Variants in CACNA2D3 observed in about 807,000 individuals in gnomAD.
CACNA2D3 encodes voltage-dependent calcium channel subunit alpha-2/delta-3.
Under a neutral mutation model 160.6 loss-of-function variants are expected in CACNA2D3, and 60 were observed. That is an observed-to-expected ratio of 0.37 (90% CI 0.30 to 0.46). CACNA2D3 has a LOEUF of 0.46. Ranked by LOEUF, CACNA2D3 falls within the 20% of genes least tolerant of loss-of-function variation. The probability of loss-of-function intolerance (pLI) is 1.00; values close to 1 mark genes in which losing one functional copy is unlikely to be tolerated. For synonymous variants in CACNA2D3, 558 were observed against 492.9 expected (o/e 1.13, Z -1.75); for missense variants, 1,205 against 1,365.0 (o/e 0.88, Z 1.85).
intron 35 of CACNA2D3, among the ~76,000 whole-genome samples, chr3:55,038,508 A>C (rs9849738): frequency 0.017 from 2,536 of 152,260 alleles, 69 homozygotes; most frequent in African/African-American, 0.058. Flanking sequence ...CATAAGTGCT[A>C]TATATACATA....
chr3:54,122,773 C>G lies in CACNA2D3; in HGVS notation c.60C>G (p.Ala20=), dbSNP rs772298560. 7.3e-6 allele frequency: 9 copies of G among 1,228,244 alleles called. No homozygotes were observed. In the South Asian group the frequency reaches 1.2e-4, roughly 17 times the overall value. The allele number at this position is 1,228,244 out of a possible 1,614,324, so 76.1% of individuals were successfully genotyped here. ...GGGGGGCCTCGGCGCTTCTCGCTGCCGCGCTTCTCTACGCCGCGCTGGGGG... is the reference window on the plus strand; with the variant it reads ...GGGGGGCCTCGGCGCTTCTCGCTGCGGCGCTTCTCTACGCCGCGCTGGGGG... ...ASRGASALLA[A]ALLYAALGDV... is the part of the protein sequence containing the mutation. The change falls in exon 1 of 38, where the codon GCC becomes GCG. Residue 20 remains alanine (A), a synonymous_variant. Transcript: ENST00000474759.
At chr3:54,808,750 C>T (rs1559589923) in intron 13 of CACNA2D3, among the ~76,000 whole-genome samples, 2 of 152,142 alleles carry the variant, frequency 1.3e-5, no homozygotes, top group African/African-American at 2.4e-5. Context: ...CACACTCTGC[C>T]TAATGTACCT....
At chr3:54,391,945 A>G (rs541337338) in intron 4 of CACNA2D3, among the ~76,000 whole-genome samples, 5 of 152,084 alleles carry the variant, frequency 3.3e-5, no homozygotes, top group South Asian at 2.1e-4. Flanking sequence ...CATTGGGTCA[A>G]TTTTCAGTCA....
chr3:54,261,402 C>T (rs532695238), intron 2 of CACNA2D3, among the ~76,000 whole-genome samples: 7 of 152,344 alleles, frequency 4.6e-5, no homozygotes, highest in African/African-American at 1.7e-4. Flanking sequence ...TTACTATCTT[C>T]TTCCTCTACC....
At chr3:55,003,292 G>A (rs988526264) in intron 31 of CACNA2D3, among the ~76,000 whole-genome samples, 1 of 152,168 alleles carries the variant, frequency 6.6e-6, no homozygotes, top group African/African-American at 2.4e-5. Context: ...ACTCATGGCA[G>A]GAGGGGATGC....
chr3:55,073,691 A>G, intron 36 of CACNA2D3, 86 bp from the exon 37 acceptor site: 1 of 1,283,278 alleles, frequency 7.8e-7, no homozygotes, highest in Admixed American at 1.9e-5. Context: ...AGAGTAGTTA[A>G]GAGAGTTGTC....
chr3:54,588,547 A>G (rs1702803700), intron 9 of CACNA2D3, among the ~76,000 whole-genome samples: 1 of 151,968 alleles, frequency 6.6e-6, no homozygotes, highest in East Asian at 1.9e-4. Context: ...TACATAGAAA[A>G]TCTCAAAGAA....
intron 13 of CACNA2D3, among the ~76,000 whole-genome samples, chr3:54,799,120 A>T (rs575207727): frequency 6.6e-6 from 1 of 152,262 alleles, no homozygotes; most frequent in African/African-American, 2.4e-5. Flanking sequence ...TTTCCCATAC[A>T]TTCTGTTATT....
chr3:54,837,546 C>T (rs926917280), intron 15 of CACNA2D3, among the ~76,000 whole-genome samples: 3 of 152,064 alleles, frequency 2.0e-5, no homozygotes, highest in Non-Finnish European at 4.4e-5. Context: ...TATTAGTTTC[C>T]TAGGGCTGTT....
intron 12 of CACNA2D3, among the ~76,000 whole-genome samples, chr3:54,763,815 A>ATATATG (rs1702152921): frequency 1.3e-4 from 1 of 7,540 alleles, no homozygotes; most frequent in Non-Finnish European, 3.6e-4. Context: ...ATATATACAT[A>ATATATG]TATATATACG....
chr3:54,366,942 A>G (rs917389153), intron 3 of CACNA2D3, among the ~76,000 whole-genome samples: 5 of 152,232 alleles, frequency 3.3e-5, no homozygotes, highest in Admixed American at 6.5e-5. Context: ...GGGTGTTCCA[A>G]ATTCAAAGCA....
At chr3:54,924,536 A>C (rs982446625) in intron 27 of CACNA2D3, 3 of 1,180,520 alleles carry the variant, frequency 2.5e-6, no homozygotes, top group African/African-American at 1.5e-5. Context: ...ACTCCTCCAC[A>C]TTCTTTCTAA....
chr3:54,660,406 C>A (rs374245322), intron 11 of CACNA2D3, among the ~76,000 whole-genome samples: 2 of 152,090 alleles, frequency 1.3e-5, no homozygotes. Flanking sequence ...GTGATCCACC[C>A]GCCTCGGCCT....
chr3:54,525,524 T>G (rs1701711421), intron 5 of CACNA2D3, among the ~76,000 whole-genome samples: 1 of 152,192 alleles, frequency 6.6e-6, no homozygotes, highest in Non-Finnish European at 1.5e-5. Context: ...CACTAAATTC[T>G]CTCAGTTTTT....
At chr3:54,922,882 C>T (rs1700895068) in intron 27 of CACNA2D3, among the ~76,000 whole-genome samples, 1 of 152,166 alleles carries the variant, frequency 6.6e-6, no homozygotes, top group African/African-American at 2.4e-5. Flanking sequence ...TTGATTACCA[C>T]TGCAGGACAA....
chr3:54,485,982 C>G (rs1701009861), intron 4 of CACNA2D3, among the ~76,000 whole-genome samples: 1 of 152,182 alleles, frequency 6.6e-6, no homozygotes, highest in South Asian at 2.1e-4. Flanking sequence ...GTCCCTGCCC[C>G]CTGCATTCCT....
rs527927777 is a variant in CACNA2D3 at position 54,822,665 on chromosome 3, G to A, written c.1398+5795G>A. Among the ~76,000 whole-genome samples, 26 of 152,300 alleles carry A rather than the reference G, an allele frequency of 1.7e-4. No individual in the cohort carries two copies. In the South Asian group the frequency reaches 4.8e-3, roughly 28 times the overall value. On this transcript the variant is annotated intron_variant, in intron 14 of 37. Transcript: ENST00000474759. Reference sequence around the variant, plus strand: ...ATATAGGCACTCCAGCCGAAGCTACGTGTGGGTTCCTGGGGGTCATGGAGC... The same window carrying A: ...ATATAGGCACTCCAGCCGAAGCTACATGTGGGTTCCTGGGGGTCATGGAGC...
chr3:54,762,720 G>A (rs1052152109), intron 12 of CACNA2D3, among the ~76,000 whole-genome samples: 3 of 152,116 alleles, frequency 2.0e-5, no homozygotes, highest in Non-Finnish European at 2.9e-5. Flanking sequence ...ACATAGCAGC[G>A]CCCTGGAACT....
At chr3:54,503,395 A>G (rs1701323061) in intron 4 of CACNA2D3, 97 bp from the exon 5 acceptor site, 1 of 1,024,088 alleles carries the variant, frequency 9.8e-7, no homozygotes, top group African/African-American at 1.6e-5. Flanking sequence ...CAGGGTCCAC[A>G]GTGTAAGGGA....
Sources: gnomAD v4.1 joint callset for allele counts (sites outside exome capture counted in the v4.1 genomes callset) on GRCh38, gnomAD v4.1.1 for gene constraint, MANE v1.5 for transcripts, NCBI Gene and HGNC (gene_info 2026-07-23, HGNC 2026-07-21) for gene names.